Variants in MFSD8 observed in about 807,000 individuals in gnomAD.
MFSD8 encodes major facilitator superfamily domain-containing protein 8.
In MFSD8, 55 loss-of-function variants were observed where a neutral mutation model predicts 66.4. The observed-to-expected ratio is 0.83, with a 90% CI of 0.67 to 1.04. The LOEUF is 1.04. Ranked by LOEUF, MFSD8 falls within the 50% of genes least tolerant of loss-of-function variation. The pLI is 0.00. For synonymous variants in MFSD8, 202 were observed against 212.8 expected (o/e 0.95, Z 0.44); for missense variants, 550 against 627.6 (o/e 0.88, Z 1.32).
chr4:127,955,664 G>A (rs369656301), intron 2 of MFSD8, among the ~76,000 whole-genome samples: 20 of 152,074 alleles, frequency 1.3e-4, no homozygotes, highest in Middle Eastern at 3.4e-3. Flanking sequence ...GCAGATGCAG[G>A]AAGGGTTCTC....
chr4:127,919,905 A>G lies in MFSD8; in HGVS notation c.*725T>C, dbSNP rs1301095179. ...TGTGAATTTTTGGCATTTGAAAGAA[A>G]GTAGGTATCCCTATTAGGCTAATAG... On this transcript the variant is annotated 3_prime_UTR_variant, in exon 12 of 12. Coordinates refer to ENST00000641686, the MANE Select transcript of MFSD8 (RefSeq NM_001371596.2). 6.6e-6 allele frequency: 1 copy of G among 152,168 alleles called. No individual in the cohort carries two copies. The highest frequency in any genetic ancestry group is 1.5e-5 in the Non-Finnish European group (1 of 68,044). 9.4% of individuals were successfully genotyped at this position (152,168 alleles called of 1,614,324 possible).
intron 7 of MFSD8, among the ~76,000 whole-genome samples, chr4:127,935,710 A>G (rs1738956267): frequency 6.6e-6 from 1 of 152,244 alleles, no homozygotes; most frequent in Non-Finnish European, 1.5e-5. Flanking sequence ...CAGAACTGTG[A>G]CATGACGGAA....
At chr4:127,951,038 T>G (rs1414948645) in intron 2 of MFSD8, among the ~76,000 whole-genome samples, 1 of 149,488 alleles carries the variant, frequency 6.7e-6, no homozygotes. Context: ...CCAGTCTAGG[T>G]GAGAGTGAGA....
chr4:127,927,245 G>A (rs1737363251), intron 9 of MFSD8, among the ~76,000 whole-genome samples: 1 of 151,672 alleles, frequency 6.6e-6, no homozygotes, highest in African/African-American at 2.4e-5. Context: ...GGAATGCAAT[G>A]GCTCATTGCA....
Position 127,920,414 on chromosome 4 carries a change from GA to G in MFSD8, c.*215del. 1.7e-6 allele frequency: 1 copy of G among 582,358 alleles called. No individual in the cohort carries two copies. Among genetic ancestry groups the G allele is most frequent in the East Asian group, 3.0e-5 (1 of 33,686 alleles). 36.1% of individuals were successfully genotyped at this position (582,358 alleles called of 1,614,324 possible). ...ATTATAAGAATAATATTTCATTTCTGAGGTAAGGAAATTATCATCTAGTATG... is the reference window on the plus strand; with the variant it reads ...ATTATAAGAATAATATTTCATTTCTGGGTAAGGAAATTATCATCTAGTATG... On this transcript the variant is annotated 3_prime_UTR_variant, in exon 12 of 12. Transcript: ENST00000641686.
At chr4:127,937,839 A>C (rs1371095087) in intron 7 of MFSD8, among the ~76,000 whole-genome samples, 2 of 152,216 alleles carry the variant, frequency 1.3e-5, no homozygotes, top group African/African-American at 4.8e-5. Flanking sequence ...AAATTAAATA[A>C]AAGAGCTATG....
intron 4 of MFSD8, 107 bp from the exon 5 acceptor site, chr4:127,942,265 C>A (rs992182122): frequency 1.3e-6 from 1 of 797,528 alleles, no homozygotes. Context: ...GTCAACAGTA[C>A]AGTCACTGCT....
At chr4:127,930,003 G>A (rs1418962439) in intron 9 of MFSD8, among the ~76,000 whole-genome samples, 2 of 152,148 alleles carry the variant, frequency 1.3e-5, no homozygotes, top group Non-Finnish European at 2.9e-5. Flanking sequence ...AACACTTTGG[G>A]AGACTGAGGC....
chr4:127,963,387 C>A (rs1444552586), intron 1 of MFSD8, among the ~76,000 whole-genome samples: 1 of 152,134 alleles, frequency 6.6e-6, no homozygotes, highest in Non-Finnish European at 1.5e-5. Flanking sequence ...GCTTTGTGTC[C>A]GGGATTGGTG....
chr4:127,955,826 A>C (rs944120592), intron 2 of MFSD8, among the ~76,000 whole-genome samples: 12 of 152,112 alleles, frequency 7.9e-5, no homozygotes, highest in Non-Finnish European at 1.6e-4. Context: ...AAACTTAAGA[A>C]ATTTTGCACT....
chr4:127,936,615 T>G (rs888944756), intron 7 of MFSD8, among the ~76,000 whole-genome samples: 5 of 151,952 alleles, frequency 3.3e-5, no homozygotes, highest in African/African-American at 1.2e-4. Context: ...CAAATTTAAC[T>G]GGGTGGGACA....
At chr4:127,959,644 T>C (rs910495103) in intron 1 of MFSD8, among the ~76,000 whole-genome samples, 4 of 152,196 alleles carry the variant, frequency 2.6e-5, no homozygotes, top group African/African-American at 4.8e-5. Flanking sequence ...TGGGTGTGTA[T>C]GTACCTGCCG....
chr4:127,940,347 AAGG>A (rs1252025408), intron 5 of MFSD8, among the ~76,000 whole-genome samples: 5 of 152,016 alleles, frequency 3.3e-5, no homozygotes, highest in African/African-American at 4.8e-5. Context: ...ATGCATTCAC[AAGG>A]AATTGTATCT....
chr4:127,951,441 C>T (rs1216979856), intron 2 of MFSD8, among the ~76,000 whole-genome samples: 2 of 152,138 alleles, frequency 1.3e-5, no homozygotes, highest in East Asian at 3.9e-4. Flanking sequence ...GTTGACCAGG[C>T]TGGTCTCGAA....
At chr4:127,949,660 A>G in intron 3 of MFSD8, 144 bp downstream of exon 3, 1 of 688,272 alleles carries the variant, frequency 1.5e-6, no homozygotes, top group Admixed American at 2.8e-5. Context: ...ATTACTTATA[A>G]GCCTCTTTTA....
chr4:127,965,313 G>A (rs1744910457), upstream of MFSD8: 2 of 710,346 alleles, frequency 2.8e-6, no homozygotes, highest in Non-Finnish European at 2.5e-6. Context: ...GGCAGCGCAG[G>A]GCGAAAGGAG....
intron 5 of MFSD8, among the ~76,000 whole-genome samples, chr4:127,941,564 C>T (rs528846463): frequency 1.6e-4 from 24 of 152,082 alleles, no homozygotes; most frequent in Admixed American, 1.4e-3. Flanking sequence ...CGAGTTCAAG[C>T]GATTCCCCTG....
chr4:127,947,944 A>G (rs558196618), intron 3 of MFSD8, among the ~76,000 whole-genome samples: 38 of 152,068 alleles, frequency 2.5e-4, no homozygotes, highest in Admixed American at 9.2e-4. Context: ...ATAAACTGAT[A>G]AGGAAGAATA....
rs573898487 is a variant in MFSD8, at chr4:127,938,913, T to C, written c.699-75A>G. The C allele has an allele frequency of 2.1e-5, 25 of 1,201,390 alleles. No homozygotes were observed. In the South Asian group the frequency reaches 3.2e-4, roughly 15 times the overall value. The allele number at this position is 1,201,390 out of a possible 1,614,324, so 74.4% of individuals were successfully genotyped here. On this transcript the variant is annotated intron_variant, in intron 6 of 11. Coordinates refer to ENST00000641686, the MANE Select transcript of MFSD8 (RefSeq NM_001371596.2). The stretch of plus-strand genomic sequence containing the variant: ...AGTTGTTTAAATTTATTATCGGCAT[T>C]GTATTTTTTTTCACATTCTAATATA...
Sources: allele counts gnomAD v4.1 joint callset (sites outside exome capture counted in the v4.1 genomes callset), GRCh38; gene constraint gnomAD v4.1.1; transcripts MANE v1.5; gene names NCBI Gene and HGNC (gene_info 2026-07-23, HGNC 2026-07-21).